ABHD15: variants seen among roughly 807,000 people sequenced by gnomAD.
ABHD15 encodes abhydrolase domain containing 15, also known as protein ABHD15.
In ABHD15, 34 loss-of-function variants were observed where a neutral mutation model predicts 34.4. That is an observed-to-expected ratio of 0.99 (90% CI 0.75 to 1.32). The LOEUF is 1.32. Among genes scored for constraint, ABHD15 ranks in the 40% most tolerant of loss-of-function variants. The pLI is 0.00. For missense variants in ABHD15, 644 were observed against 650.4 expected, an observed-to-expected ratio of 0.99 and a Z score of 0.11; for synonymous variants, 314 against 299.2, an observed-to-expected ratio of 1.05 and a Z score of -0.51.
intron 1 of ABHD15, among the ~76,000 whole-genome samples, chr17:29,565,257 A>T (rs867936269): frequency 4.1e-4 from 17 of 41,200 alleles, no homozygotes; most frequent in East Asian, 1.5e-3. Flanking sequence ...AGACTGTCTA[A>T]AAAAAAAAAT....
Position 29,562,444 on chromosome 17 carries a change from G to T in ABHD15, c.*117C>A. On this transcript the variant is annotated 3_prime_UTR_variant, in exon 2 of 2. Coordinates refer to ENST00000307201, the MANE Select transcript of ABHD15 (RefSeq NM_198147.3). ...GGCACCAATTTAAGAGAGAGGGACTGAATGAGGAGCACAGAGCTGGAGCTC... is the reference window on the plus strand; with the variant it reads ...GGCACCAATTTAAGAGAGAGGGACTTAATGAGGAGCACAGAGCTGGAGCTC... 8.5e-7 allele frequency: 1 copy of T among 1,170,258 alleles called. No homozygotes were observed. Among genetic ancestry groups the T allele is most frequent in the Non-Finnish European group, 1.2e-6 (1 of 833,972 alleles). 72.5% of individuals were successfully genotyped at this position (1,170,258 alleles called of 1,614,324 possible).
rs1381166066 is a variant in ABHD15 at position 29,560,757 on chromosome 17, C to G, written c.*1804G>C. 1.3e-5 allele frequency: 2 copies of G among 152,024 alleles called. No homozygotes were observed. Among genetic ancestry groups the G allele is most frequent in the Non-Finnish European group, 2.9e-5 (2 of 68,062 alleles). The allele number at this position is 152,024 out of a possible 1,614,324, so 9.4% of individuals were successfully genotyped here. ...GCAAGCTCCGCCTCCCGGGTTCACG[C>G]CATTCTCCTGCCTCAGCCTCCTGAG... On this transcript the variant is annotated 3_prime_UTR_variant, in exon 2 of 2. Coordinates refer to ENST00000307201, the MANE Select transcript of ABHD15 (RefSeq NM_198147.3).
chr17:29,566,353 C>T lies in ABHD15; in HGVS notation c.614G>A (p.Arg205Gln). 2 of 1,611,108 alleles carry T rather than the reference C, an allele frequency of 1.2e-6. No individual in the cohort carries two copies. The highest frequency in any genetic ancestry group is 2.2e-5 in the East Asian group (1 of 44,838). ...GGACGGGTCCCCGAAAGGCTGCAGCCGGGGGCTGACCAGTGGGCAACCGTG... is the reference window on the plus strand; with the variant it reads ...GGACGGGTCCCCGAAAGGCTGCAGCTGGGGGCTGACCAGTGGGCAACCGTG... The part of the protein sequence containing the change: ...GHHGCPLVSP[R>Q]LQPFGDPSDL... Residue 205 changes from arginine (R) to glutamine (Q), a missense_variant, in exon 1 of 2, where the codon CGG (arginine) becomes CAG (glutamine). By Grantham distance (43) the Arg-to-Gln change is conservative (BLOSUM62 1). Transcript: ENST00000307201.
rs981287983 is a variant in ABHD15 at position 29,561,554 on chromosome 17, T to G, written c.*1007A>C. 14 of 152,352 alleles carry G rather than the reference T, an allele frequency of 9.2e-5. No homozygotes were observed. The highest frequency in any genetic ancestry group is 3.4e-4 in the African/African-American group (14 of 41,458). 9.4% of individuals were successfully genotyped at this position (152,352 alleles called of 1,614,324 possible). On this transcript the variant is annotated 3_prime_UTR_variant, in exon 2 of 2. Transcript: ENST00000307201. ...AATCACTGGTCAGCTCTAGTCAACC[T>G]CTTGGTGCTTTTGTTTCCTCTGGTC...
In ABHD15 at chr17:29,563,090, G is replaced by A. The variant is rs1272870759; in HGVS notation, c.882-4C>T. 1 of 1,595,394 alleles carries A rather than the reference G, an allele frequency of 6.3e-7. No homozygotes were observed. Among genetic ancestry groups the A allele is most frequent in the East Asian group, 2.2e-5 (1 of 44,728 alleles). On this transcript the variant is annotated splice_region_variant and splice_polypyrimidine_tract_variant and intron_variant, in intron 1 of 1. Coordinates refer to ENST00000307201, the MANE Select transcript of ABHD15 (RefSeq NM_198147.3). ...GTCCTCCAGGGCTGTGGCATACCTG[G>A]CAGCGAGGTGTTTAGTGGGGAAGGT...
rs1293792051 is a variant in ABHD15, at chr17:29,566,892, G to C, written c.75C>G (p.Leu25=). Residue 25 remains leucine (L), a synonymous_variant, in exon 1 of 2, where the codon CTC becomes CTG. Transcript: ENST00000307201. ...LALLGLLGPR[L]RGPWGRAVGE... is the part of the protein sequence containing the mutation. ...CGACGGCGCGCCCCCAGGGTCCCCG[G>C]AGCCGCGGGCCGAGCAGGCCGAGAA... 6 of 1,494,020 alleles carry C rather than the reference G, an allele frequency of 4.0e-6. No homozygotes were observed. The African/African-American group carries it at 4.4e-5, about 11-fold the overall frequency. The allele number at this position is 1,494,020 out of a possible 1,614,324, so 92.5% of individuals were successfully genotyped here. A position where few individuals can be genotyped will look rare whatever the true frequency, so the allele number is the denominator to read the frequency against.
chr17:29,562,773 G>T lies in ABHD15; in HGVS notation c.1195C>A (p.Pro399Thr). 1 of 1,613,700 alleles carries T rather than the reference G, an allele frequency of 6.2e-7. No individual in the cohort carries two copies. Among genetic ancestry groups the T allele is most frequent in the Non-Finnish European group, 8.5e-7 (1 of 1,179,654 alleles). The change falls in exon 2 of 2, where the codon CCC becomes ACC. Residue 399 changes from proline (P) to threonine (T), a missense_variant. Physicochemically the swap from Pro to Thr is conservative, Grantham distance 38. Transcript: ENST00000307201. Reference sequence around the variant, plus strand: ...ACCTCATGGCTCCAGGCTGGCAAGGGCTCCTGGCGCAGGAAGCCACAGTGG... The same window carrying T: ...ACCTCATGGCTCCAGGCTGGCAAGGTCTCCTGGCGCAGGAAGCCACAGTGG... ...GGHCGFLRQEPLPAWSHEVIL... is the reference protein window; with the variant it reads ...GGHCGFLRQETLPAWSHEVIL...
intron 1 of ABHD15, among the ~76,000 whole-genome samples, chr17:29,564,458 T>TTTCTAGA (rs2150789702): frequency 6.6e-6 from 1 of 152,296 alleles, no homozygotes; most frequent in South Asian, 2.1e-4. Flanking sequence ...ATCTTTGCTG[T>TTTCTAGA]TTCTAGACCC....
At chr17:29,566,013 T>C (rs2032701601) in intron 1 of ABHD15, 73 bp downstream of exon 1, 1 of 1,496,600 alleles carries the variant, frequency 6.7e-7, no homozygotes. Flanking sequence ...ATGCTATGCA[T>C]AGCTGTTTCT....
rs1378061711 is a variant in ABHD15, at chr17:29,562,807, G to A, written c.1161C>T (p.Arg387=). The change falls in exon 2 of 2, where the codon CGC becomes CGT. Residue 387 remains arginine, a synonymous_variant. Transcript: ENST00000307201. ...GCAGGAAGCCACAGTGGCCTCCGTG[G>A]CGACTGAGCAGGAGGAAGAAGTAGG... ...SNPYFFLLLS[R]HGGHCGFLRQ... The A allele has an allele frequency of 3.0e-5, 48 of 1,613,278 alleles. No homozygotes were observed. Among genetic ancestry groups the A allele is most frequent in the South Asian group, 4.4e-5 (4 of 91,090 alleles).
chr17:29,562,798 G>A lies in ABHD15; in HGVS notation c.1170C>T (p.Gly390=), dbSNP rs1213033160. The A allele has an allele frequency of 7.4e-6, 12 of 1,613,264 alleles. No individual in the cohort carries two copies. The highest frequency in any genetic ancestry group is 1.6e-4 in the Middle Eastern group (1 of 6,078). The part of the protein sequence containing the change: ...YFFLLLSRHG[G]HCGFLRQEPL... ...GCTCCTGGCGCAGGAAGCCACAGTG[G>A]CCTCCGTGGCGACTGAGCAGGAGGA... Residue 390 remains glycine, a synonymous_variant, in exon 2 of 2, where the codon GGC becomes GGT. Coordinates refer to ENST00000307201, the MANE Select transcript of ABHD15 (RefSeq NM_198147.3).
At chr17:29,564,921 G>A (rs1567757191) in intron 1 of ABHD15, among the ~76,000 whole-genome samples, 1 of 152,102 alleles carries the variant, frequency 6.6e-6, no homozygotes, top group African/African-American at 2.4e-5. Context: ...TTCCACCACT[G>A]CACTCCAGCC....
In ABHD15 at chr17:29,566,636, G is replaced by A. The variant is rs777256862; in HGVS notation, c.331C>T (p.His111Tyr). 25 of 1,607,028 alleles carry A rather than the reference G, an allele frequency of 1.6e-5. No individual in the cohort carries two copies. Among genetic ancestry groups the A allele is most frequent in the Non-Finnish European group, 2.0e-5 (24 of 1,179,622 alleles). Residue 111 changes from histidine to tyrosine, a missense_variant, in exon 1 of 2, where the codon CAC becomes TAC. By Grantham distance (83) the His-to-Tyr change is moderately conservative (BLOSUM62 2). Coordinates refer to ENST00000307201, the MANE Select transcript of ABHD15 (RefSeq NM_198147.3). Reference sequence around the variant, plus strand: ...CCAGGCGCTACGGGCAGGACGAAGTGGCAGAGGGTCTGCAGGTGGGGCCCG... The same window carrying A: ...CCAGGCGCTACGGGCAGGACGAAGTAGCAGAGGGTCTGCAGGTGGGGCCCG... ...FSGPHLQTLC[H>Y]FVLPVAPGPE...
At position 29,566,392 on chromosome 17, in the gene ABHD15, T is replaced by C; in HGVS notation, c.575A>G (p.His192Arg). 3.7e-6 allele frequency: 6 copies of C among 1,611,280 alleles called. No individual in the cohort carries two copies. The highest frequency in any genetic ancestry group is 5.1e-6 in the Non-Finnish European group (6 of 1,178,934). ...LERGYYPVIF[H>R]RRGHHGCPLV... Reference sequence around the variant, plus strand: ...TGGGCAACCGTGGTGGCCGCGGCGATGGAAGATGACCGGGTAGTAGCCGCG... The same window carrying C: ...TGGGCAACCGTGGTGGCCGCGGCGACGGAAGATGACCGGGTAGTAGCCGCG... Residue 192 changes from histidine (H) to arginine (R), a missense_variant, in exon 1 of 2, where the codon CAT (histidine) becomes CGT (arginine). Transcript: ENST00000307201.
At chr17:29,565,307 A>T (rs1432493507) in intron 1 of ABHD15, among the ~76,000 whole-genome samples, 1 of 151,988 alleles carries the variant, frequency 6.6e-6, no homozygotes, top group East Asian at 1.9e-4. Context: ...GCCTACATAT[A>T]TGCGTGTGTG....
At chr17:29,565,753 G>C (rs547320032) in intron 1 of ABHD15, among the ~76,000 whole-genome samples, 2 of 152,324 alleles carry the variant, frequency 1.3e-5, no homozygotes, top group East Asian at 3.9e-4. Flanking sequence ...GTTAAGCTGT[G>C]GGCTAAGTGG....
intron 1 of ABHD15, among the ~76,000 whole-genome samples, chr17:29,564,275 T>C (rs2150789581): frequency 6.6e-6 from 1 of 152,392 alleles, no homozygotes; most frequent in Non-Finnish European, 1.5e-5. Flanking sequence ...CTTTTTAAAC[T>C]AACATCCTGT....
chr17:29,563,825 G>A lies in ABHD15; in HGVS notation c.882-739C>T, dbSNP rs141604232. 1.2e-3 allele frequency among the ~76,000 whole-genome samples: 185 copies of A among 152,142 alleles called. No individual in the cohort carries two copies. In the East Asian group the frequency reaches 0.028, roughly 23 times the overall value. On this transcript the variant is annotated intron_variant, in intron 1 of 1. Coordinates refer to ENST00000307201, the MANE Select transcript of ABHD15 (RefSeq NM_198147.3). Reference sequence around the variant, plus strand: ...CAGTGAGCCGAGATCGTGCCACTGCGTTCCAGCCTGCTGACAGAGCGAGAC... The same window carrying A: ...CAGTGAGCCGAGATCGTGCCACTGCATTCCAGCCTGCTGACAGAGCGAGAC...
chr17:29,566,736 C>G lies in ABHD15; in HGVS notation c.231G>C (p.Ser77=). ...PGGCSLVCKP[S]ALAQCLLRAL... ...CGCGCAGCAGGCACTGGGCCAGGGC[C>G]GACGGCTTGCAAACAAGGCTGCACC... Residue 77 remains serine (S), a synonymous_variant, in exon 1 of 2, where the codon TCG becomes TCC. Coordinates refer to ENST00000307201, the MANE Select transcript of ABHD15 (RefSeq NM_198147.3). 6.4e-7 allele frequency: 1 copy of G among 1,560,278 alleles called. No homozygotes were observed. The highest frequency in any genetic ancestry group is 8.6e-7 in the Non-Finnish European group (1 of 1,160,176).
Sources: gnomAD v4.1 joint callset for allele counts (sites outside exome capture counted in the v4.1 genomes callset) on GRCh38, gnomAD v4.1.1 for gene constraint, MANE v1.5 for transcripts, NCBI Gene and HGNC (gene_info 2026-07-23, HGNC 2026-07-21) for gene names.